Variants in MAF1 observed in about 807,000 individuals in gnomAD.
MAF1 encodes repressor of RNA polymerase III transcription MAF1 homolog.
MAF1 carries 7 observed loss-of-function variants against 31.9 expected under a neutral mutation model. The observed-to-expected ratio is 0.22, with a 90% CI of 0.12 to 0.41. The LOEUF (loss-of-function observed/expected upper bound fraction) is 0.41. MAF1 is among the 10% of genes least tolerant of loss of function. MAF1 has a pLI of 1.00. For synonymous variants in MAF1, 157 were observed against 120.0 expected (o/e 1.31, Z -2.02); for missense variants, 221 against 323.1 (o/e 0.68, Z 2.42).
chr8:144,105,013 GC>G (rs1836383212), intron 1 of MAF1, 155 bp downstream of exon 1: 1 of 152,282 alleles, frequency 6.6e-6, no homozygotes, highest in Non-Finnish European at 1.5e-5. Context: ...GGTGACTGCA[GC>G]GCCCCAGCGG....
chr8:144,107,082 G>A lies in MAF1; in HGVS notation c.750-6G>A, dbSNP rs1184716065. On this transcript the variant is annotated splice_region_variant and splice_polypyrimidine_tract_variant and intron_variant, in intron 7 of 7. Coordinates refer to ENST00000322428, the MANE Select transcript of MAF1 (RefSeq NM_032272.5). ...GAAGGCCCACTGTGTGCCAACCTCCGCCCAGGGTCCCAGTGATCTGTATTT... is the reference window on the plus strand; with the variant it reads ...GAAGGCCCACTGTGTGCCAACCTCCACCCAGGGTCCCAGTGATCTGTATTT... The A allele has an allele frequency of 1.4e-5, 22 of 1,573,906 alleles. No homozygotes were observed. The highest frequency in any genetic ancestry group is 1.6e-5 in the Non-Finnish European group (19 of 1,159,830).
chr8:144,106,912 G>C lies in MAF1; in HGVS notation c.698G>C (p.Ser233Thr), dbSNP rs376042229. The C allele has an allele frequency of 2.0e-6, 3 of 1,527,068 alleles. No individual in the cohort carries two copies. The African/African-American group carries it at 4.2e-5, about 21-fold the overall frequency. 94.6% of individuals were successfully genotyped at this position (1,527,068 alleles called of 1,614,324 possible). Residue 233 changes from serine (S) to threonine (T), a missense_variant, in exon 7 of 8, where the codon AGC becomes ACC. Physicochemically the swap from Ser to Thr is moderately conservative, Grantham distance 58 (BLOSUM62 1). Transcript: ENST00000322428. ...GGGGAGGAGGAGGTGGAGGAAGAAAGCAGAAGCGGGGGCAGTGGGGCCGAG... is the reference window on the plus strand; with the variant it reads ...GGGGAGGAGGAGGTGGAGGAAGAAACCAGAAGCGGGGGCAGTGGGGCCGAG... Reference protein sequence around the residue: ...ELGEEEVEEESRSGGSGAEET... With the variant: ...ELGEEEVEEETRSGGSGAEET...
At position 144,107,161 on chromosome 8, in the gene MAF1, C is replaced by G. The variant is rs1202435937; in HGVS notation, c.*52C>G. On this transcript the variant is annotated 3_prime_UTR_variant, in exon 8 of 8. Coordinates refer to ENST00000322428, the MANE Select transcript of MAF1 (RefSeq NM_032272.5). ...ATCCAGCTTCAACCAATGCCTGGACCTGTCCACCTGAGAGGCCCCTGGGGC... is the reference window on the plus strand; with the variant it reads ...ATCCAGCTTCAACCAATGCCTGGACGTGTCCACCTGAGAGGCCCCTGGGGC... 3 of 1,550,334 alleles carry G rather than the reference C, an allele frequency of 1.9e-6. No individual in the cohort carries two copies. Among genetic ancestry groups the G allele is most frequent in the Admixed American group, 2.0e-5 (1 of 51,096 alleles).
chr8:144,105,603 C>T, intron 1 of MAF1, 37 bp from the exon 2 acceptor site: 2 of 1,324,100 alleles, frequency 1.5e-6, no homozygotes, highest in Non-Finnish European at 2.2e-6. Flanking sequence ...CCCAAGGGGC[C>T]AGATAGATAC....
Position 144,106,986 on chromosome 8 carries a change from C to T in MAF1, c.749+23C>T, listed in dbSNP as rs370936519. 19 of 1,545,556 alleles carry T rather than the reference C, an allele frequency of 1.2e-5. No individual in the cohort carries two copies. The East Asian group carries it at 1.7e-4, about 14-fold the overall frequency. ...CAGGTGTGTGATGGGGGCCATGACC[C>T]GGGTCCTTGAAGCCTGGAGTGGGTA... On this transcript the variant is annotated intron_variant, in intron 7 of 7. Coordinates refer to ENST00000322428, the MANE Select transcript of MAF1 (RefSeq NM_032272.5).
chr8:144,105,932 G>A lies in MAF1; in HGVS notation c.147G>A (p.Gln49=). 1 of 1,613,170 alleles carries A rather than the reference G, an allele frequency of 6.2e-7. No homozygotes were observed. The change falls in exon 3 of 8, where the codon CAG becomes CAA. Residue 49 remains glutamine (Q), a synonymous_variant. Coordinates refer to ENST00000322428, the MANE Select transcript of MAF1 (RefSeq NM_032272.5). ...DDKHMFKQFC[Q]EGQPHVLEAL... is the part of the protein sequence containing the mutation. ...AACACATGTTCAAGCAGTTCTGCCA[G>A]GAGGGCCAGCCCCACGTGCTGGAGG... is the stretch of plus-strand genomic sequence containing the variant.
rs899292822 is a variant in MAF1 at position 144,107,336 on chromosome 8, G to A, written c.*227G>A. The A allele has an allele frequency of 2.2e-5, 14 of 623,534 alleles. No individual in the cohort carries two copies. The highest frequency in any genetic ancestry group is 1.8e-4 in the African/African-American group (10 of 54,410). The allele number at this position is 623,534 out of a possible 1,614,324, so 38.6% of individuals were successfully genotyped here. A position where few individuals can be genotyped will look rare whatever the true frequency, so the allele number is the denominator to read the frequency against. On this transcript the variant is annotated 3_prime_UTR_variant, in exon 8 of 8. Coordinates refer to ENST00000322428, the MANE Select transcript of MAF1 (RefSeq NM_032272.5). ...GCTGTGGCCGGACTTGTCAGCAGGG[G>A]GCCTGGTGGGAGGAGCGACTGCCCT...
chr8:144,105,455 C>T (rs756502012), intron 1 of MAF1, 185 bp from the exon 2 acceptor site: 20 of 578,444 alleles, frequency 3.5e-5, no homozygotes, highest in Admixed American at 6.0e-5. Context: ...GACTTACCAC[C>T]CTCAGGTAAA....
In MAF1 at chr8:144,105,974, G is replaced by C; in HGVS notation, c.189G>C (p.Gln63His). Reference sequence around the variant, plus strand: ...TGCTGGAGGCACTTTCTCCACCCCAGACTTCAGGACTGAGCCCCAGCAGGT... The same window carrying C: ...TGCTGGAGGCACTTTCTCCACCCCACACTTCAGGACTGAGCCCCAGCAGGT... ...PHVLEALSPPQTSGLSPSRLS... is the reference protein window; with the variant it reads ...PHVLEALSPPHTSGLSPSRLS... The change falls in exon 3 of 8, where the codon CAG (glutamine) becomes CAC (histidine). Residue 63 changes from glutamine (Q) to histidine (H), a missense_variant. This residue lies in a region of MAF1 where 146 missense variants were observed against 263.1 expected (regional missense o/e 0.56). Coordinates refer to ENST00000322428, the MANE Select transcript of MAF1 (RefSeq NM_032272.5). 1 of 1,613,352 alleles carries C rather than the reference G, an allele frequency of 6.2e-7. No individual in the cohort carries two copies. Among genetic ancestry groups the C allele is most frequent in the Non-Finnish European group, 8.5e-7 (1 of 1,180,018 alleles).
chr8:144,105,744 G>A lies in MAF1; in HGVS notation c.61G>A (p.Gly21Arg), dbSNP rs1386076278. 6.2e-7 allele frequency: 1 copy of A among 1,613,046 alleles called. No homozygotes were observed. The highest frequency in any genetic ancestry group is 8.5e-7 in the Non-Finnish European group (1 of 1,179,934). The change falls in exon 2 of 8, where the codon GGA becomes AGA. Residue 21 changes from glycine to arginine, a missense_variant. By Grantham distance (125) the Gly-to-Arg change is moderately radical (BLOSUM62 -2). Transcript: ENST00000322428. ...CAACTCACAGCTGACTGTGGAGACT[G>A]GAGATGCCCACATCATTGGCAGGTG... ...AINSQLTVET[G>R]DAHIIGRIES... is the part of the protein sequence containing the mutation.
Position 144,107,251 on chromosome 8 carries a change from C to T in MAF1, c.*142C>T, listed in dbSNP as rs774009411. 1.8e-5 allele frequency: 20 copies of T among 1,105,140 alleles called. No homozygotes were observed. The highest frequency in any genetic ancestry group is 2.5e-5 in the Non-Finnish European group (19 of 749,098). The allele number at this position is 1,105,140 out of a possible 1,614,324, so 68.5% of individuals were successfully genotyped here. On this transcript the variant is annotated 3_prime_UTR_variant, in exon 8 of 8. Transcript: ENST00000322428. ...CTGGCACTGCCCAAGGCCATACCTG[C>T]CTAGCCCTTTGGCTCCATCCTGTGG...
chr8:144,107,564 T>TC lies in MAF1; in HGVS notation c.*456dup. The stretch of plus-strand genomic sequence containing the variant: ...CCCATTTGGCCGCGTGCACTGAGTG[T>TC]CACTTTGCTGCAGCTCGTTTCTTTC... On this transcript the variant is annotated 3_prime_UTR_variant, in exon 8 of 8. Coordinates refer to ENST00000322428, the MANE Select transcript of MAF1 (RefSeq NM_032272.5). The TC allele has an allele frequency of 1.6e-6, 1 of 617,240 alleles. No homozygotes were observed. Among genetic ancestry groups the TC allele is most frequent in the Non-Finnish European group, 2.9e-6 (1 of 341,152 alleles). The allele number at this position is 617,240 out of a possible 1,614,324, so 38.2% of individuals were successfully genotyped here.
rs777998593 is a variant in MAF1 at position 144,106,690 on chromosome 8, C to T, written c.620+16C>T. 3 of 1,609,040 alleles carry T rather than the reference C, an allele frequency of 1.9e-6. No individual in the cohort carries two copies. The highest frequency in any genetic ancestry group is 1.7e-6 in the Non-Finnish European group (2 of 1,176,824). The stretch of plus-strand genomic sequence containing the variant: ...GTTCCATCAGGTGGGCACCCCCCGC[C>T]TCCTCCCCCACCTCCCTGTTGGGCC... On this transcript the variant is annotated intron_variant, in intron 6 of 7. Coordinates refer to ENST00000322428, the MANE Select transcript of MAF1 (RefSeq NM_032272.5).
intron 2 of MAF1, 48 bp downstream of exon 2, chr8:144,105,814 C>T (rs1366550044): frequency 9.9e-6 from 16 of 1,612,580 alleles, no homozygotes; most frequent in Non-Finnish European, 1.3e-5. Flanking sequence ...CACTGCCGCG[C>T]CCTTCAGTGG....
intron 1 of MAF1, chr8:144,105,241 G>C (rs1836388958): frequency 5.8e-6 from 1 of 171,992 alleles, no homozygotes; most frequent in African/African-American, 2.4e-5. Context: ...GCCTGAGGGA[G>C]ACTGCAGGAG....
chr8:144,106,266 ACCCACAGCCAC>A (rs1351064307), intron 4 of MAF1, 25 bp downstream of exon 4: 7 of 1,613,260 alleles, frequency 4.3e-6, no homozygotes, highest in Non-Finnish European at 5.9e-6. Context: ...GAGGGAAGGG[ACCCACAGCCAC>A]CCCACTGTCC....
At chr8:144,104,998 TGCCTGGTGACTGC>T (rs1425480090) in intron 1 of MAF1, 140 bp downstream of exon 1, 2 of 152,210 alleles carry the variant, frequency 1.3e-5, no homozygotes, top group East Asian at 3.9e-4. Context: ...AGGCGGGCGC[TGCCTGGTGACTGC>T]AGCGCCCCAG....
rs1836411310 is a variant in MAF1 at position 144,106,232 on chromosome 8, C to T, written c.369C>T (p.Ser123=). ...ARSHEFSREP[S]LSWVVNAVNC... ...GCCATGAGTTCAGCCGGGAGCCCAG[C>T]CTTAGCTGGGTGAGGGTCAGGTGGA... Residue 123 remains serine, a synonymous_variant, in exon 4 of 8, where the codon AGC becomes AGT. Transcript: ENST00000322428. 1.9e-6 allele frequency: 3 copies of T among 1,613,644 alleles called. No homozygotes were observed. The highest frequency in any genetic ancestry group is 1.3e-5 in the African/African-American group (1 of 74,936).
rs1836399197 is a variant in MAF1 at position 144,105,750 on chromosome 8, G to A, written c.67G>A (p.Ala23Thr). ...NSQLTVETGD[A>T]HIIGRIESYS... ...ACAGCTGACTGTGGAGACTGGAGATGCCCACATCATTGGCAGGTGAGGCAG... is the reference window on the plus strand; with the variant it reads ...ACAGCTGACTGTGGAGACTGGAGATACCCACATCATTGGCAGGTGAGGCAG... The change falls in exon 2 of 8, where the codon GCC (alanine) becomes ACC (threonine). Residue 23 changes from alanine (A) to threonine (T), a missense_variant. This residue lies in a region of MAF1 where 146 missense variants were observed against 263.1 expected (regional missense o/e 0.56). Coordinates refer to ENST00000322428, the MANE Select transcript of MAF1 (RefSeq NM_032272.5). The A allele has an allele frequency of 6.2e-7, 1 of 1,612,958 alleles. No individual in the cohort carries two copies. The highest frequency in any genetic ancestry group is 1.3e-5 in the African/African-American group (1 of 74,882).
Sources: gnomAD v4.1 joint callset for allele counts on GRCh38, gnomAD v4.1.1 for gene constraint, gnomAD v4.1.1 regional missense constraint, MANE v1.5 for transcripts, NCBI Gene and HGNC (gene_info 2026-07-23, HGNC 2026-07-21) for gene names.